HDX: variants seen among roughly 807,000 people sequenced by gnomAD.
The protein encoded by HDX is chromosome X open reading frame 43.
HDX carries 19 observed loss-of-function variants against 45.2 expected under a neutral mutation model. That is an observed-to-expected ratio of 0.42 (90% confidence interval 0.29 to 0.62). The LOEUF (loss-of-function observed/expected upper bound fraction) is 0.62. HDX is among the 20% of genes least tolerant of loss of function. HDX has a pLI of 0.20. For missense variants in HDX, 532 were observed against 493.9 expected (o/e 1.08, Z -0.73); for synonymous variants, 188 against 172.8 (o/e 1.09, Z -0.69).
intron 3 of HDX, among the ~76,000 whole-genome samples, chrX:84,473,731 C>A (rs992367776): frequency 3.3e-4 from 36 of 108,690 alleles, no homozygotes; most frequent in African/African-American, 1.2e-3. Context: ...CACAATGCAG[C>A]TGCCTGGCAA....
chrX:84,377,211 C>CAGAT (rs746149360), intron 5 of HDX, among the ~76,000 whole-genome samples: 1 of 112,104 alleles, frequency 8.9e-6, no homozygotes, highest in East Asian at 2.8e-4. Context: ...GTGCCCAAAG[C>CAGAT]AGATAGAGCT....
At position 84,319,792 on chromosome X, in the gene HDX, A is replaced by C. The variant is rs1448834604; in HGVS notation, c.*2097T>G. 1 of 111,306 alleles carries C rather than the reference A, an allele frequency of 9.0e-6. No individual in the cohort carries two copies. The highest frequency in any genetic ancestry group is 1.9e-5 in the Non-Finnish European group (1 of 52,552). 9.2% of individuals were successfully genotyped at this position (111,306 alleles called of 1,213,427 possible). On this transcript the variant is annotated 3_prime_UTR_variant, in exon 11 of 11. Coordinates refer to ENST00000373177, the MANE Select transcript of HDX (RefSeq NM_001177479.2). ...ATCATAGAAGATGTTAAAAAGAAAT[A>C]ATTATTTGTGATGTTTACAGCTTGC...
At chrX:84,452,285 T>C (rs1396554025) in intron 4 of HDX, among the ~76,000 whole-genome samples, 2 of 110,594 alleles carry the variant, frequency 1.8e-5, no homozygotes, top group Non-Finnish European at 3.8e-5. Flanking sequence ...CCAAAATAAT[T>C]CTTAAATCAG....
intron 5 of HDX, among the ~76,000 whole-genome samples, chrX:84,414,089 G>A (rs1033360248): frequency 8.9e-6 from 1 of 111,769 alleles, no homozygotes; most frequent in Non-Finnish European, 1.9e-5. Context: ...TTGGTAACAT[G>A]AAATTTTATA....
chrX:84,390,838 G>A (rs2038423241), intron 5 of HDX, among the ~76,000 whole-genome samples: 1 of 111,540 alleles, frequency 9.0e-6, no homozygotes, highest in Admixed American at 9.5e-5. Flanking sequence ...TTTCTTATTG[G>A]GACATAATAT....
At position 84,465,555 on chromosome X, in the gene HDX, C is replaced by A. The variant is rs188040300; in HGVS notation, c.1251+2917G>T. ...TGAAGTTGGAAACCATCATTCTCAG[C>A]AAACTAACACAAGAACAGAAAACCA... On this transcript the variant is annotated intron_variant, in intron 4 of 10. Coordinates refer to ENST00000373177, the MANE Select transcript of HDX (RefSeq NM_001177479.2). Among the ~76,000 whole-genome samples the A allele has an allele frequency of 3.5e-3, 393 of 111,964 alleles. 3 individuals are homozygous for A. The highest frequency in any genetic ancestry group is 0.012 in the African/African-American group (380 of 30,772).
chrX:84,431,937 T>C (rs1346271765), intron 5 of HDX, among the ~76,000 whole-genome samples: 1 of 111,202 alleles, frequency 9.0e-6, no homozygotes, highest in East Asian at 2.8e-4. Context: ...ATATTTCCTA[T>C]GCTATCTTTC....
chrX:84,435,412 GT>G (rs1299345264), intron 5 of HDX, among the ~76,000 whole-genome samples: 3 of 110,582 alleles, frequency 2.7e-5, no homozygotes, highest in African/African-American at 9.9e-5. Context: ...GGGGTTGTTT[GT>G]TTTTTTCTTG....
intron 5 of HDX, among the ~76,000 whole-genome samples, chrX:84,406,351 G>A (rs964067578): frequency 9.1e-6 from 1 of 109,871 alleles, no homozygotes; most frequent in African/African-American, 3.3e-5. Context: ...AGAAAACTAG[G>A]TGAAGTAATA....
intron 1 of HDX, among the ~76,000 whole-genome samples, chrX:84,494,668 A>G (rs1192590627): frequency 1.8e-5 from 2 of 112,125 alleles, no homozygotes; most frequent in Non-Finnish European, 3.8e-5. Context: ...ATGTATTTAG[A>G]CAATGAAAAT....
In HDX at chrX:84,320,899, T is replaced by C. The variant is rs967335747; in HGVS notation, c.*990A>G. 2 of 110,701 alleles carry C rather than the reference T, an allele frequency of 1.8e-5. No homozygotes were observed. Among genetic ancestry groups the C allele is most frequent in the African/African-American group, 6.5e-5 (2 of 30,648 alleles). The allele number at this position is 110,701 out of a possible 1,213,427, so 9.1% of individuals were successfully genotyped here. ...TGATTTACAACCAAAGTAGTATAAC[T>C]CTTTTTGAATACTATCCTTGGCTGA... On this transcript the variant is annotated 3_prime_UTR_variant, in exon 11 of 11. Transcript: ENST00000373177.
intron 3 of HDX, among the ~76,000 whole-genome samples, chrX:84,470,325 G>C (rs766552346): frequency 1.7e-4 from 19 of 111,264 alleles, no homozygotes; most frequent in African/African-American, 5.9e-4. Context: ...TCTTTTTGTA[G>C]TCTTTACTAG....
rs774738564 is a variant in HDX at position 84,368,310 on chromosome X, A to G, written c.1306-6698T>C. ...CGGAACTGTACTAAACATGTGTTAA[A>G]GTGTTGTCTTTTTTACACAATGATA... On this transcript the variant is annotated intron_variant, in intron 5 of 10. Coordinates refer to ENST00000373177, the MANE Select transcript of HDX (RefSeq NM_001177479.2). Among the ~76,000 whole-genome samples the G allele has an allele frequency of 2.6e-3, 286 of 111,907 alleles. 2 individuals carry two copies. Among genetic ancestry groups the G allele is most frequent in the African/African-American group, 9.0e-3 (277 of 30,887 alleles).
intron 4 of HDX, among the ~76,000 whole-genome samples, chrX:84,461,413 C>T (rs757063924): frequency 2.0e-4 from 22 of 110,589 alleles, no homozygotes; most frequent in South Asian, 3.8e-4. Flanking sequence ...CAAGAACATA[C>T]GCTAGGAAAA....
intron 6 of HDX, among the ~76,000 whole-genome samples, chrX:84,358,670 A>G (rs2037545622): frequency 2.7e-5 from 3 of 112,205 alleles, no homozygotes; most frequent in African/African-American, 9.7e-5. Flanking sequence ...TATTTTGAGA[A>G]TAGTATTTAT....
At chrX:84,358,966 A>C (rs2037553052) in intron 6 of HDX, among the ~76,000 whole-genome samples, 1 of 111,404 alleles carries the variant, frequency 9.0e-6, no homozygotes, top group South Asian at 3.7e-4. Flanking sequence ...AACTGTTAGC[A>C]TCTCTTCCCA....
At chrX:84,496,854 C>T (rs1025248598) in intron 1 of HDX, among the ~76,000 whole-genome samples, 1 of 111,557 alleles carries the variant, frequency 9.0e-6, no homozygotes, top group Admixed American at 9.6e-5. Context: ...TTTTACAATG[C>T]CTGGATCTCT....
At chrX:84,356,877 T>C (rs2037500294) in intron 6 of HDX, among the ~76,000 whole-genome samples, 1 of 110,865 alleles carries the variant, frequency 9.0e-6, no homozygotes, top group South Asian at 3.9e-4. Flanking sequence ...CACCTCGGCC[T>C]CCCAAAGTGC....
intron 5 of HDX, among the ~76,000 whole-genome samples, chrX:84,402,778 A>T (rs2038736068): frequency 9.0e-6 from 1 of 111,564 alleles, no homozygotes; most frequent in Non-Finnish European, 1.9e-5. Flanking sequence ...AAGTGGCTGT[A>T]CTATTTTATA....
Sources: gnomAD v4.1 joint callset for allele counts (sites outside exome capture counted in the v4.1 genomes callset) on GRCh38, gnomAD v4.1.1 for gene constraint, MANE v1.5 for transcripts, NCBI Gene and HGNC (gene_info 2026-07-23, HGNC 2026-07-21) for gene names.